PIWIL1: variants seen among roughly 807,000 people sequenced by gnomAD.
PIWIL1 encodes piwi like RNA-mediated gene silencing 1.
In PIWIL1, 73 loss-of-function variants were observed where a neutral mutation model predicts 114.4. The ratio of observed to expected loss-of-function variants is 0.64; its 90% CI spans 0.53 to 0.78. PIWIL1 has a LOEUF of 0.78. Ranked by LOEUF, PIWIL1 falls within the 30% of genes least tolerant of loss-of-function variation. The pLI is 0.00. For synonymous variants in PIWIL1, 375 were observed against 369.0 expected (o/e 1.02, Z -0.19); for missense variants, 723 against 1,063.1 (o/e 0.68, Z 4.45).
At chr12:130,414,580 C>CATTAA in the PIWIL1 span, 1 of 294,936 alleles carries the variant, frequency 3.4e-6, no homozygotes, top group Admixed American at 4.7e-5. Context: ...AGAGCACAGG[C>CATTAA]TGGGGCAGGG....
chr12:130,406,295 G>T, the PIWIL1 span: 8 of 1,260,352 alleles, frequency 6.3e-6, no homozygotes, highest in Non-Finnish European at 9.1e-6. Context: ...AACAGTAGTA[G>T]TTTTTTAAAA....
At chr12:130,399,945 G>T in the PIWIL1 span, 1 of 1,007,720 alleles carries the variant, frequency 9.9e-7, no homozygotes, top group Non-Finnish European at 1.4e-6. Flanking sequence ...GGCAGGACTT[G>T]AAAGGACTCT....
the PIWIL1 span, among the ~76,000 whole-genome samples, chr12:130,405,155 CAAACGTG>C: frequency 3.3e-5 from 5 of 152,148 alleles, no homozygotes; most frequent in African/African-American, 1.2e-4. Context: ...TGACCGCATG[CAAACGTG>C]AAATTCATCC....
chr12:130,348,477 A>G (rs1054292869), intron 7 of PIWIL1, among the ~76,000 whole-genome samples: 19 of 152,208 alleles, frequency 1.2e-4, no homozygotes, highest in African/African-American at 4.1e-4. Context: ...TTGCAGCCCA[A>G]CTGAAAAACC....
At chr12:130,339,868 C>G (rs1198034316) in intron 1 of PIWIL1, among the ~76,000 whole-genome samples, 2 of 152,192 alleles carry the variant, frequency 1.3e-5, no homozygotes, top group Middle Eastern at 3.2e-3. Context: ...CGTCAGGGAC[C>G]AGGCTTTGAG....
the PIWIL1 span, chr12:130,397,797 C>A: frequency 1.9e-5 from 6 of 314,056 alleles, no homozygotes; most frequent in Non-Finnish European, 3.5e-5. Context: ...GTTGCTTTGG[C>A]AAAGCTAAGG....
At chr12:130,357,575 A>G in intron 14 of PIWIL1, 22 bp downstream of exon 14, 1 of 1,549,756 alleles carries the variant, frequency 6.5e-7, no homozygotes, top group Non-Finnish European at 8.9e-7. Flanking sequence ...ATTGACATAT[A>G]GGCAGTTTTC....
At chr12:130,424,137 C>T in the PIWIL1 span, 3 of 1,227,432 alleles carry the variant, frequency 2.4e-6, no homozygotes, top group Non-Finnish European at 3.0e-6. This position sits in a 1 kb window ranked among gnomAD's most constrained non-coding sequence, Gnocchi z 9.8. Context: ...GTTTAGGTCA[C>T]ACACCAGGGG....
the PIWIL1 span, chr12:130,422,697 T>G: frequency 1.5e-6 from 1 of 649,190 alleles, no homozygotes; most frequent in Non-Finnish European, 2.7e-6. The surrounding 1 kb of genome is among the most constrained non-coding windows in gnomAD (Gnocchi z 5.2). Context: ...AAAGGTTAGC[T>G]GAATGGCCTG....
At chr12:130,352,088 G>A (rs1052369053) in intron 9 of PIWIL1, among the ~76,000 whole-genome samples, 3 of 152,172 alleles carry the variant, frequency 2.0e-5, no homozygotes, top group African/African-American at 7.2e-5. Flanking sequence ...CTTTCTCTAG[G>A]GAAGATTTCT....
rs761994661 is a variant in PIWIL1 at position 130,342,584 on chromosome 12, A to G, written c.-8A>G. ...TCAAGATTGTTTCCTCTCCAGAAATAGAAAACAATGACTGGGAGAGCCCGA... is the reference window on the plus strand; with the variant it reads ...TCAAGATTGTTTCCTCTCCAGAAATGGAAAACAATGACTGGGAGAGCCCGA... On this transcript the variant is annotated 5_prime_UTR_variant, in exon 2 of 21. In the 5' UTR this introduces an upstream ATG that the reference lacks. Transcript: ENST00000245255. 6 of 1,605,658 alleles carry G rather than the reference A, an allele frequency of 3.7e-6. No homozygotes were observed. The East Asian group carries it at 6.7e-5, about 18-fold the overall frequency.
intron 9 of PIWIL1, chr12:130,350,996 G>T (rs2073194977): frequency 6.6e-6 from 1 of 152,112 alleles, no homozygotes; most frequent in African/African-American, 2.4e-5. Context: ...AAACAGCCAG[G>T]GGTCATTTCA....
the PIWIL1 span, among the ~76,000 whole-genome samples, chr12:130,410,196 G>C: frequency 1.3e-5 from 2 of 152,204 alleles, no homozygotes; most frequent in Non-Finnish European, 2.9e-5. Flanking sequence ...TTGGCGAAAG[G>C]TCACTTAAAT....
the PIWIL1 span, among the ~76,000 whole-genome samples, chr12:130,404,478 T>G: frequency 6.6e-6 from 1 of 152,110 alleles, no homozygotes; most frequent in Non-Finnish European, 1.5e-5. Context: ...TTTTGTATTT[T>G]CAGTAGAAAC....
At chr12:130,418,837 C>G in the PIWIL1 span, among the ~76,000 whole-genome samples, 1 of 152,178 alleles carries the variant, frequency 6.6e-6, no homozygotes, top group African/African-American at 2.4e-5. Context: ...AGTCCAAACT[C>G]ACATGGACCA....
chr12:130,405,212 CAA>C, the PIWIL1 span, among the ~76,000 whole-genome samples: 1,852 of 152,018 alleles, frequency 0.012, 38 homozygotes, highest in African/African-American at 0.042. Flanking sequence ...CACACACACA[CAA>C]AGTTAAAAAG....
chr12:130,389,948 T>C, the PIWIL1 span, among the ~76,000 whole-genome samples: 1 of 152,356 alleles, frequency 6.6e-6, no homozygotes, highest in East Asian at 1.9e-4. Context: ...AAGTGTATTT[T>C]ATAAAATTTC....
the PIWIL1 span, among the ~76,000 whole-genome samples, chr12:130,405,239 G>A: frequency 6.6e-6 from 1 of 152,174 alleles, no homozygotes; most frequent in African/African-American, 2.4e-5. Flanking sequence ...GGTTGAGCTG[G>A]AAAGAACTAT....
intron 19 of PIWIL1, 125 bp from the exon 20 acceptor site, chr12:130,371,051 G>A (rs1013417374): frequency 2.1e-5 from 16 of 778,806 alleles, no homozygotes; most frequent in Middle Eastern, 3.7e-4. Context: ...ACGTTACAGC[G>A]TGAGAAGAGA....
Sources: allele counts gnomAD v4.1 joint callset (sites outside exome capture counted in the v4.1 genomes callset), GRCh38; gene constraint gnomAD v4.1.1; non-coding constraint Gnocchi (gnomAD v3.1); transcripts MANE v1.5; gene names NCBI Gene and HGNC (gene_info 2026-07-23, HGNC 2026-07-21).